Variants in WAC observed in about 807,000 individuals in gnomAD.
WAC encodes the protein WW domain-containing adapter protein with coiled-coil.
A neutral mutation model predicts 79.6 loss-of-function variants in WAC; 11 were observed. The ratio of observed to expected loss-of-function variants is 0.14; its 90% confidence interval spans 0.09 to 0.23. The LOEUF (loss-of-function observed/expected upper bound fraction) is 0.23, where lower values mean the gene tolerates loss of function less well. Among genes scored for constraint, WAC ranks in the 10% least tolerant of loss-of-function variants. WAC has a pLI of 1.00. For missense variants in WAC, 728 were observed against 773.5 expected (o/e 0.94, Z 0.70); for synonymous variants, 304 against 276.9 (o/e 1.10, Z -0.97).
chr10:28,585,867 G>C (rs1238934562), intron 4 of WAC, among the ~76,000 whole-genome samples: 1 of 152,168 alleles, frequency 6.6e-6, no homozygotes, highest in Non-Finnish European at 1.5e-5. Flanking sequence ...TTTTACAGCA[G>C]TGGGTTTAAC....
intron 3 of WAC, among the ~76,000 whole-genome samples, chr10:28,539,081 A>G (rs917693094): frequency 1.3e-5 from 2 of 152,124 alleles, no homozygotes; most frequent in African/African-American, 2.4e-5. Flanking sequence ...AATAACCTAT[A>G]TGCTATGATT....
At chr10:28,573,968 C>G (rs1468945218) in intron 3 of WAC, among the ~76,000 whole-genome samples, 1 of 151,100 alleles carries the variant, frequency 6.6e-6, no homozygotes, top group Non-Finnish European at 1.5e-5. Flanking sequence ...CATATTTGAT[C>G]TTTTGTGACT....
intron 3 of WAC, among the ~76,000 whole-genome samples, chr10:28,536,469 A>G (rs1327613985): frequency 6.6e-6 from 1 of 152,196 alleles, no homozygotes; most frequent in Non-Finnish European, 1.5e-5. Context: ...TAAACTATGA[A>G]TTTAAAAACT....
intron 10 of WAC, 42 bp from the exon 11 acceptor site, chr10:28,614,525 G>T (rs1397010825): frequency 2.7e-6 from 4 of 1,480,742 alleles, no homozygotes; most frequent in South Asian, 1.1e-5. Flanking sequence ...GAGAGATGTG[G>T]ATTAGATTTG....
At chr10:28,544,471 C>T (rs978350476) in intron 3 of WAC, among the ~76,000 whole-genome samples, 26 of 152,252 alleles carry the variant, frequency 1.7e-4, no homozygotes, top group African/African-American at 5.8e-4. Flanking sequence ...AGGATTGTTG[C>T]GGGGTTAAAT....
chr10:28,565,966 A>G (rs1333792953), intron 3 of WAC, among the ~76,000 whole-genome samples: 1 of 152,206 alleles, frequency 6.6e-6, no homozygotes, highest in African/African-American at 2.4e-5. Flanking sequence ...CAGGAGCACA[A>G]TCTAGAATCT....
intron 3 of WAC, among the ~76,000 whole-genome samples, chr10:28,551,981 G>A (rs922474180): frequency 6.6e-6 from 1 of 151,820 alleles, no homozygotes; most frequent in Non-Finnish European, 1.5e-5. Flanking sequence ...CATGCGCCAC[G>A]ACGCCCAACT....
chr10:28,558,510 G>T (rs1589152195), intron 3 of WAC, among the ~76,000 whole-genome samples: 1 of 150,872 alleles, frequency 6.6e-6, no homozygotes, highest in Non-Finnish European at 1.5e-5. Flanking sequence ...AGGAAGCCGG[G>T]TTTGTTTAAT....
intron 7 of WAC, among the ~76,000 whole-genome samples, chr10:28,601,910 TG>T (rs1840666251): frequency 6.6e-6 from 1 of 151,700 alleles, no homozygotes. Flanking sequence ...GGGGTGGGAG[TG>T]GGTGTTAAGT....
chr10:28,596,098 A>G, intron 7 of WAC, 57 bp downstream of exon 7: 1 of 1,499,646 alleles, frequency 6.7e-7, no homozygotes, highest in Admixed American at 2.1e-5. Flanking sequence ...GTTTCTTCTA[A>G]GTTTCTTATA....
intron 3 of WAC, among the ~76,000 whole-genome samples, chr10:28,549,265 C>T (rs1837534981): frequency 6.6e-6 from 1 of 152,196 alleles, no homozygotes; most frequent in Non-Finnish European, 1.5e-5. Context: ...ATGCTTGAGC[C>T]GTGACTCAAA....
At position 28,619,779 on chromosome 10, in the gene WAC, T is replaced by A; in HGVS notation, c.*173T>A. The A allele has an allele frequency of 3.9e-6, 2 of 508,754 alleles. No homozygotes were observed. The highest frequency in any genetic ancestry group is 6.9e-6 in the Non-Finnish European group (2 of 290,246). 31.5% of individuals were successfully genotyped at this position (508,754 alleles called of 1,614,324 possible). A position where few individuals can be genotyped will look rare whatever the true frequency, so the allele number is the denominator to read the frequency against. The stretch of plus-strand genomic sequence containing the variant: ...TCAGGGGAAAGATACAAGATTGATT[T>A]GTAAAACCCTTGAAATGTAGATTTC... On this transcript the variant is annotated 3_prime_UTR_variant, in exon 14 of 14. Transcript: ENST00000354911.
At chr10:28,568,367 A>G (rs1348032129) in intron 3 of WAC, among the ~76,000 whole-genome samples, 6 of 152,040 alleles carry the variant, frequency 3.9e-5, no homozygotes, top group Admixed American at 2.6e-4. Flanking sequence ...TCAATATTAG[A>G]TACTAAGTTC....
intron 4 of WAC, among the ~76,000 whole-genome samples, chr10:28,588,138 C>G (rs1839914876): frequency 6.6e-6 from 1 of 152,112 alleles, no homozygotes; most frequent in African/African-American, 2.4e-5. Flanking sequence ...ACTTGGCAAG[C>G]AAACCAAGCC....
intron 3 of WAC, among the ~76,000 whole-genome samples, chr10:28,569,413 C>T (rs1838828039): frequency 6.6e-6 from 1 of 152,144 alleles, no homozygotes; most frequent in Non-Finnish European, 1.5e-5. Context: ...CTTTTGATAG[C>T]ATATTTTAAA....
chr10:28,538,865 T>TA (rs1836836614), intron 3 of WAC, among the ~76,000 whole-genome samples: 7 of 99,556 alleles, frequency 7.0e-5, no homozygotes, highest in Admixed American at 6.3e-4. Flanking sequence ...ACCCGTCTGT[T>TA]TAAAAAAAAA....
intron 3 of WAC, among the ~76,000 whole-genome samples, chr10:28,556,186 G>GT (rs1837973740): frequency 6.6e-6 from 1 of 151,988 alleles, no homozygotes; most frequent in Non-Finnish European, 1.5e-5. Context: ...CACCAATAGT[G>GT]TACAAAGGTT....
In WAC at chr10:28,608,426, A is replaced by G. The variant is rs1841063578; in HGVS notation, c.1160A>G (p.Asn387Ser). The G allele has an allele frequency of 6.3e-7, 1 of 1,584,678 alleles. No individual in the cohort carries two copies. The highest frequency in any genetic ancestry group is 8.6e-7 in the Non-Finnish European group (1 of 1,164,468). The change falls in exon 8 of 14, where the codon AAT (asparagine) becomes AGT (serine). Residue 387 changes from asparagine (N) to serine (S), a missense_variant. Transcript: ENST00000354911. ...TCTAATGTGGACATATCTAAAATAA[A>G]TGAAGGTAAATCTTCATAACAGTTT... ...NNSNVDISKI[N>S]EVLTAAVTQA...
At chr10:28,550,356 C>G (rs1181593801) in intron 3 of WAC, among the ~76,000 whole-genome samples, 1 of 151,512 alleles carries the variant, frequency 6.6e-6, no homozygotes, top group Non-Finnish European at 1.5e-5. Flanking sequence ...CCTCTCTCCA[C>G]TCCTACCTCA....
Sources: allele counts gnomAD v4.1 joint callset (sites outside exome capture counted in the v4.1 genomes callset), GRCh38; gene constraint gnomAD v4.1.1; transcripts MANE v1.5; gene names NCBI Gene and HGNC (gene_info 2026-07-23, HGNC 2026-07-21).